Variants in TASP1 observed in about 807,000 individuals in gnomAD.
The protein encoded by TASP1 is taspase 1, also known as threonine aspartase 1.
Under a neutral mutation model 56.6 loss-of-function variants are expected in TASP1, and 16 were observed. That is an observed-to-expected ratio of 0.28 (90% CI 0.19 to 0.43). The LOEUF is 0.43. Ranked by LOEUF, TASP1 falls within the 20% of genes least tolerant of loss-of-function variation. The probability of loss-of-function intolerance (pLI) is 1.00; values close to 1 mark genes in which losing one functional copy is unlikely to be tolerated. For synonymous variants in TASP1, 179 were observed against 184.2 expected, an observed-to-expected ratio of 0.97 and a Z score of 0.23; for missense variants, 393 against 511.6, an observed-to-expected ratio of 0.77 and a Z score of 2.24.
chr20:13,257,055 A>G, the TASP1 span, among the ~76,000 whole-genome samples: 9 of 152,212 alleles, frequency 5.9e-5, no homozygotes, highest in South Asian at 1.9e-3. Context: ...GGAGAAAAGA[A>G]GTGTTTTTAC....
the TASP1 span, among the ~76,000 whole-genome samples, chr20:13,363,640 T>A: frequency 2.6e-5 from 4 of 152,334 alleles, no homozygotes; most frequent in South Asian, 8.3e-4. Flanking sequence ...TCAGTTAGCA[T>A]CAGAAGTCAG....
chr20:13,497,867 C>A (rs931029929), intron 10 of TASP1, among the ~76,000 whole-genome samples: 1 of 152,066 alleles, frequency 6.6e-6, no homozygotes, highest in Non-Finnish European at 1.5e-5. Flanking sequence ...ACAAAGCTGA[C>A]AAAAATTAGC....
chr20:13,370,570 A>G, the TASP1 span, among the ~76,000 whole-genome samples: 20 of 152,170 alleles, frequency 1.3e-4, no homozygotes, highest in African/African-American at 4.3e-4. Flanking sequence ...AACATTTTAA[A>G]ATGACATTTA....
chr20:13,166,856 AT>A, the TASP1 span: 2 of 152,176 alleles, frequency 1.3e-5, no homozygotes, highest in African/African-American at 4.8e-5. Context: ...AATGTCCACT[AT>A]TATTACTTTC....
the TASP1 span, chr20:13,299,510 G>A: frequency 9.8e-6 from 15 of 1,527,844 alleles, no homozygotes; most frequent in African/African-American, 5.5e-5. This position sits in a 1 kb window ranked among gnomAD's most constrained non-coding sequence, Gnocchi z 5.8. Context: ...GAGCACACAC[G>A]TGCTGCACTG....
the TASP1 span, among the ~76,000 whole-genome samples, chr20:13,202,197 C>T: frequency 0.046 from 6,947 of 152,226 alleles, 526 homozygotes; most frequent in African/African-American, 0.16. Context: ...TGATTGGTAA[C>T]ATTTGCTGAT....
At chr20:13,262,014 G>A in the TASP1 span, among the ~76,000 whole-genome samples, 22 of 152,288 alleles carry the variant, frequency 1.4e-4, 1 homozygote, top group African/African-American at 4.1e-4. Flanking sequence ...CCCTCTGGTC[G>A]TAGGAGGACT....
chr20:13,625,422 T>C (rs1430579896), intron 2 of TASP1, among the ~76,000 whole-genome samples, 170 bp from the exon 3 acceptor site: 2 of 152,228 alleles, frequency 1.3e-5, no homozygotes, highest in Non-Finnish European at 2.9e-5. Context: ...TTTAATACCA[T>C]GCCTTATCTC....
chr20:13,338,004 T>C, the TASP1 span, among the ~76,000 whole-genome samples: 3 of 152,262 alleles, frequency 2.0e-5, no homozygotes, highest in East Asian at 5.8e-4. Flanking sequence ...TTCTTGGATC[T>C]TGTGCAAAGA....
At chr20:13,476,101 A>G (rs139122983) in intron 11 of TASP1, among the ~76,000 whole-genome samples, 268 of 152,334 alleles carry the variant, frequency 1.8e-3, no homozygotes, top group African/African-American at 6.2e-3. Flanking sequence ...CCTGGGCAAC[A>G]GGAGTGAAAC....
chr20:13,528,219 CAAAAAAAAAAAA>C (rs397942980), intron 10 of TASP1, among the ~76,000 whole-genome samples: 9 of 54,316 alleles, frequency 1.7e-4, no homozygotes, highest in Admixed American at 7.8e-4. Flanking sequence ...GACTCTGACT[CAAAAAAAAAAAA>C]AAAAAAAAAA....
At chr20:13,209,103 T>C in the TASP1 span, among the ~76,000 whole-genome samples, 1 of 152,174 alleles carries the variant, frequency 6.6e-6, no homozygotes, top group African/African-American at 2.4e-5. Flanking sequence ...CCACTGTCTA[T>C]GAAGCCCCAT....
chr20:13,519,339 A>G (rs2044651217), intron 10 of TASP1, among the ~76,000 whole-genome samples: 1 of 152,144 alleles, frequency 6.6e-6, no homozygotes, highest in Non-Finnish European at 1.5e-5. Flanking sequence ...AAAAGTTGAA[A>G]TTAAAAGAAA....
intron 6 of TASP1, 25 bp downstream of exon 6, chr20:13,580,872 A>C: frequency 6.2e-7 from 1 of 1,612,150 alleles, no homozygotes; most frequent in South Asian, 1.1e-5. Context: ...AAGACAGGGA[A>C]AGTCAGGAAG....
intron 7 of TASP1, among the ~76,000 whole-genome samples, chr20:13,565,785 T>C (rs1479687833): frequency 5.3e-5 from 8 of 152,176 alleles, no homozygotes; most frequent in South Asian, 2.1e-4. Context: ...AAACAGACAA[T>C]ATGGTGGCTT....
intron 11 of TASP1, among the ~76,000 whole-genome samples, chr20:13,455,743 C>T (rs2043807943): frequency 6.6e-6 from 1 of 152,128 alleles, no homozygotes; most frequent in African/African-American, 2.4e-5. Context: ...CAGCAGAAAC[C>T]ATAACCAACA....
intron 7 of TASP1, among the ~76,000 whole-genome samples, chr20:13,561,790 TTTTA>T (rs1171955568): frequency 2.6e-5 from 4 of 152,172 alleles, no homozygotes; most frequent in Non-Finnish European, 5.9e-5. Flanking sequence ...AGAACAGAAT[TTTTA>T]TTTGTTATTG....
At chr20:13,202,139 T>C in the TASP1 span, among the ~76,000 whole-genome samples, 1 of 152,122 alleles carries the variant, frequency 6.6e-6, no homozygotes, top group African/African-American at 2.4e-5. Context: ...ATGATAAATA[T>C]TTAGCAACCA....
At chr20:13,430,565 T>C (rs565842919) in intron 12 of TASP1, among the ~76,000 whole-genome samples, 1 of 152,312 alleles carries the variant, frequency 6.6e-6, no homozygotes, top group South Asian at 2.1e-4. Flanking sequence ...GAGGGAGTGA[T>C]TCAACAGAGA....
Sources: gnomAD v4.1 joint callset for allele counts (sites outside exome capture counted in the v4.1 genomes callset) on GRCh38, gnomAD v4.1.1 for gene constraint, Gnocchi (gnomAD v3.1) non-coding constraint, MANE v1.5 for transcripts, NCBI Gene and HGNC (gene_info 2026-07-23, HGNC 2026-07-21) for gene names.